Variants in ROCK2 observed in about 807,000 individuals in gnomAD.
The protein encoded by ROCK2 is rho-associated protein kinase 2.
In ROCK2, 61 loss-of-function variants were observed where a neutral mutation model predicts 195.1. The ratio of observed to expected loss-of-function variants is 0.31; its 90% CI spans 0.25 to 0.39. The LOEUF is 0.39. Ranked by LOEUF, ROCK2 falls within the 10% of genes least tolerant of loss-of-function variation. The pLI is 1.00. For synonymous variants in ROCK2, 504 were observed against 545.5 expected (o/e 0.92, Z 1.06); for missense variants, 1,109 against 1,637.4 (o/e 0.68, Z 5.57).
At chr2:11,208,475 T>C in intron 18 of ROCK2, 28 bp from the exon 19 acceptor site, 1 of 1,336,616 alleles carries the variant, frequency 7.5e-7, no homozygotes, top group Non-Finnish European at 1.0e-6. Flanking sequence ...GACACAATCA[T>C]AAATTTACAA....
chr2:11,243,982 A>G (rs545258648), intron 4 of ROCK2, among the ~76,000 whole-genome samples: 1 of 152,352 alleles, frequency 6.6e-6, no homozygotes, highest in Non-Finnish European at 1.5e-5. Flanking sequence ...TAATTATAGT[A>G]CGTGGCAATA....
chr2:11,344,808 G>GCCCGCC (rs1482553371), upstream of ROCK2, among the ~76,000 whole-genome samples: 1 of 149,954 alleles, frequency 6.7e-6, no homozygotes, highest in Non-Finnish European at 1.5e-5. The surrounding 1 kb of genome is among the most constrained non-coding windows in gnomAD (Gnocchi z 5.4). Context: ...CCCCTTCCTC[G>GCCCGCC]CCCGCCCTCG....
At chr2:11,184,356 C>G (rs73915394) in intron 32 of ROCK2, among the ~76,000 whole-genome samples, 3,837 of 152,246 alleles carry the variant, frequency 0.025, 69 homozygotes, top group East Asian at 0.053. Flanking sequence ...AATTTTACTT[C>G]TCTTCTGAAT....
At chr2:11,284,400 G>C (rs1349059580) in intron 3 of ROCK2, among the ~76,000 whole-genome samples, 3 of 152,088 alleles carry the variant, frequency 2.0e-5, no homozygotes, top group African/African-American at 7.2e-5. Context: ...TATGACAATG[G>C]GTGAGTATAA....
At chr2:11,231,857 T>C (rs1402083299) in intron 5 of ROCK2, among the ~76,000 whole-genome samples, 6 of 152,170 alleles carry the variant, frequency 3.9e-5, no homozygotes, top group Admixed American at 2.0e-4. Flanking sequence ...CTTTTATCCA[T>C]GGCATAACAT....
At chr2:11,325,764 TAA>T (rs976669590) in intron 1 of ROCK2, among the ~76,000 whole-genome samples, 7 of 152,176 alleles carry the variant, frequency 4.6e-5, no homozygotes, top group African/African-American at 1.7e-4. Context: ...AGAAAATGGA[TAA>T]AAGACTAGAA....
At position 11,224,347 on chromosome 2, in the gene ROCK2, G is replaced by A. The variant is rs1208017685; in HGVS notation, c.982C>T (p.Leu328Phe). 1 of 1,613,166 alleles carries A rather than the reference G, an allele frequency of 6.2e-7. No homozygotes were observed. Among genetic ancestry groups the A allele is most frequent in the Non-Finnish European group, 8.5e-7 (1 of 1,179,454 alleles). ...DAEISKHAKN[L>F]ICAFLTDREV... ...CTATCTGTTAAGAAAGCACAGATGAGATTCTTTGCATGTTTGGAAATTTCT... is the reference window on the plus strand; with the variant it reads ...CTATCTGTTAAGAAAGCACAGATGAAATTCTTTGCATGTTTGGAAATTTCT... Residue 328 changes from leucine (L) to phenylalanine (F), a missense_variant, in exon 7 of 33, where the codon CTC (leucine) becomes TTC (phenylalanine). Around this residue, in one of 6 missense-constraint regions of ROCK2, gnomAD observed 253 missense variants for 455.5 expected, o/e 0.56. Transcript: ENST00000315872.
At chr2:11,220,312 C>T (rs559596928) in intron 9 of ROCK2, among the ~76,000 whole-genome samples, 2 of 152,150 alleles carry the variant, frequency 1.3e-5, no homozygotes, top group East Asian at 1.9e-4. Context: ...CCACCGTACC[C>T]GGCTTTTTTT....
intron 3 of ROCK2, among the ~76,000 whole-genome samples, chr2:11,274,851 T>C (rs1404291062): frequency 1.3e-5 from 2 of 152,216 alleles, no homozygotes; most frequent in Non-Finnish European, 2.9e-5. Flanking sequence ...CCCCAGTGGT[T>C]ACCTGAAACC....
intron 1 of ROCK2, among the ~76,000 whole-genome samples, chr2:11,290,253 T>C (rs1203822022): frequency 6.6e-6 from 1 of 152,174 alleles, no homozygotes; most frequent in Non-Finnish European, 1.5e-5. Flanking sequence ...CAGTTTCAAA[T>C]AAACTTTCAT....
At chr2:11,239,409 TAG>T (rs1395284885) in intron 4 of ROCK2, among the ~76,000 whole-genome samples, 1 of 151,774 alleles carries the variant, frequency 6.6e-6, no homozygotes, top group African/African-American at 2.4e-5. Flanking sequence ...AGACAGAAAA[TAG>T]TTAAGTGTTG....
intron 3 of ROCK2, among the ~76,000 whole-genome samples, chr2:11,282,254 G>A (rs1667030823): frequency 6.6e-6 from 1 of 152,044 alleles, no homozygotes; most frequent in Non-Finnish European, 1.5e-5. Context: ...GAGAGGCTGG[G>A]GCAGCAGGAT....
intron 1 of ROCK2, among the ~76,000 whole-genome samples, chr2:11,340,571 A>G (rs1669071506): frequency 6.6e-6 from 1 of 152,218 alleles, no homozygotes; most frequent in Admixed American, 6.5e-5. Flanking sequence ...AAAAAAATGT[A>G]TAAAATGATT....
At chr2:11,223,568 T>G (rs560681822) in intron 7 of ROCK2, among the ~76,000 whole-genome samples, 26 of 152,166 alleles carry the variant, frequency 1.7e-4, no homozygotes, top group Non-Finnish European at 3.2e-4. Context: ...GTTTTGTAAT[T>G]TGAGACCACT....
At chr2:11,286,117 A>G (rs1486299123) in intron 3 of ROCK2, among the ~76,000 whole-genome samples, 1 of 150,016 alleles carries the variant, frequency 6.7e-6, no homozygotes, top group African/African-American at 2.4e-5. Context: ...TATTGTCAAC[A>G]TTTCTTATAA....
At chr2:11,264,617 T>C (rs994837336) in intron 3 of ROCK2, among the ~76,000 whole-genome samples, 1 of 152,116 alleles carries the variant, frequency 6.6e-6, no homozygotes, top group Non-Finnish European at 1.5e-5. Flanking sequence ...GGGAGCAAAG[T>C]AGAAAGTTCC....
intron 1 of ROCK2, among the ~76,000 whole-genome samples, chr2:11,317,606 A>ATTTTTTTT (rs1215755085): frequency 6.2e-5 from 1 of 16,158 alleles, no homozygotes; most frequent in Non-Finnish European, 1.3e-4. Flanking sequence ...ATATATATAT[A>ATTTTTTTT]TATATATTTT....
chr2:11,194,907 TAA>T (rs753776608), intron 28 of ROCK2, 46 bp downstream of exon 28: 1 of 1,160,332 alleles, frequency 8.6e-7, no homozygotes, highest in Non-Finnish European at 1.2e-6. Context: ...TGACTAGAGT[TAA>T]AACAAAAACA....
intron 1 of ROCK2, among the ~76,000 whole-genome samples, chr2:11,333,673 TTTAAC>T (rs969606752): frequency 3.3e-4 from 50 of 152,206 alleles, no homozygotes; most frequent in African/African-American, 1.2e-3. Context: ...TCTCATGCCC[TTTAAC>T]TTAATTTTTA....
Sources: allele counts gnomAD v4.1 joint callset (sites outside exome capture counted in the v4.1 genomes callset), GRCh38; gene constraint gnomAD v4.1.1; regional missense constraint gnomAD v4.1.1; non-coding constraint Gnocchi (gnomAD v3.1); transcripts MANE v1.5; gene names NCBI Gene and HGNC (gene_info 2026-07-23, HGNC 2026-07-21).